Variants in ENDOU observed in about 807,000 individuals in gnomAD.
ENDOU encodes endonuclease, poly(U) specific.
ENDOU carries 49 observed loss-of-function variants against 54.2 expected under a neutral mutation model. The ratio of observed to expected loss-of-function variants is 0.90; its 90% CI spans 0.72 to 1.15. The LOEUF is 1.15. Ranked by LOEUF, ENDOU falls within the 50% of genes most tolerant of loss-of-function variation. The pLI, the probability that ENDOU is intolerant of heterozygous loss-of-function variation, is 0.00. For missense variants in ENDOU, 458 were observed against 511.4 expected (o/e 0.90, Z 1.01); for synonymous variants, 172 against 190.5 (o/e 0.90, Z 0.80).
intron 9 of ENDOU, 70 bp downstream of exon 9, chr12:47,711,563 T>C (rs1023017088): frequency 3.9e-6 from 6 of 1,541,752 alleles, no homozygotes; most frequent in Non-Finnish European, 5.3e-6. Context: ...CCAGGTCTCT[T>C]GACTCTGTGA....
At chr12:47,713,201 G>A in intron 7 of ENDOU, 74 bp downstream of exon 7, 1 of 1,034,168 alleles carries the variant, frequency 9.7e-7, no homozygotes, top group East Asian at 2.4e-5. Flanking sequence ...CCACACCCAG[G>A]GCTGCCCTGC....
At position 47,720,825 on chromosome 12, in the gene ENDOU, C is replaced by A. The variant is rs776957197; in HGVS notation, c.106G>T (p.Ala36Ser). The A allele has an allele frequency of 2.5e-5, 39 of 1,535,974 alleles. No homozygotes were observed. In the East Asian group the frequency reaches 6.4e-4, roughly 25 times the overall value. ...SRCNEKFNRD[A>S]ACQCDRRCLW... ...CACCGGCGGTCACACTGGCAGGCAG[C>A]GTCCCGGTTAAATTTCTCATTACAT... The change falls in exon 2 of 10, where the codon GCT (alanine) becomes TCT (serine). Residue 36 changes from alanine (A) to serine (S), a missense_variant. Ala to Ser is a moderately conservative substitution (Grantham distance 99, BLOSUM62 1). Transcript: ENST00000422538.
rs756704931 is a variant in ENDOU at position 47,710,032 on chromosome 12, C to A, written c.*770G>T. The A allele has an allele frequency of 6.6e-6, 1 of 152,056 alleles. No homozygotes were observed. Among genetic ancestry groups the A allele is most frequent in the African/African-American group, 2.4e-5 (1 of 41,390 alleles). 9.4% of individuals were successfully genotyped at this position (152,056 alleles called of 1,614,324 possible). ...CAAAAAAAAATTGGGGATCAAAATACAAGTCTGTGGCTGCACTAAACATCC... is the reference window on the plus strand; with the variant it reads ...CAAAAAAAAATTGGGGATCAAAATAAAAGTCTGTGGCTGCACTAAACATCC... On this transcript the variant is annotated 3_prime_UTR_variant, in exon 10 of 10. Coordinates refer to ENST00000422538, the MANE Select transcript of ENDOU (RefSeq NM_001172439.2).
intron 8 of ENDOU, 142 bp from the exon 9 acceptor site, chr12:47,711,917 T>A: frequency 1.1e-6 from 1 of 943,160 alleles, no homozygotes; most frequent in Non-Finnish European, 1.6e-6. Flanking sequence ...CTGGATTCTT[T>A]AAATAGAAGA....
intron 1 of ENDOU, among the ~76,000 whole-genome samples, chr12:47,721,660 T>C (rs1039396102): frequency 6.6e-6 from 1 of 152,218 alleles, no homozygotes; most frequent in African/African-American, 2.4e-5. Flanking sequence ...CATTCTATTA[T>C]GTAACCACAG....
At chr12:47,717,991 A>G in intron 3 of ENDOU, 138 bp downstream of exon 3, 1 of 786,546 alleles carries the variant, frequency 1.3e-6, no homozygotes. Context: ...CTTCCTGCCC[A>G]GGTTCCCAGA....
Position 47,718,183 on chromosome 12 carries a change from C to T in ENDOU, c.190G>A (p.Glu64Lys). 6.3e-7 allele frequency: 1 copy of T among 1,581,288 alleles called. No homozygotes were observed. Among genetic ancestry groups the T allele is most frequent in the East Asian group, 2.3e-5 (1 of 43,904 alleles). ...YEHLCTEDHK[E>K]SEPLPQLEEE... ...TCCAGCTGTGGCAATGGCTCTGACT[C>T]TTTGTGGTCCTCTGCAGGTAGATAG... Residue 64 changes from glutamate to lysine, a missense_variant, in exon 3 of 10, where the codon GAG (glutamate) becomes AAG (lysine). Glu to Lys is a moderately conservative substitution (Grantham distance 56). Transcript: ENST00000422538.
rs1233409650 is a variant in ENDOU at position 47,718,192 on chromosome 12, C to T, written c.181G>A (p.Asp61Asn). 6.3e-7 allele frequency: 1 copy of T among 1,578,348 alleles called. No individual in the cohort carries two copies. The highest frequency in any genetic ancestry group is 1.2e-5 in the South Asian group (1 of 86,258). The change falls in exon 3 of 10, where the codon GAC becomes AAC. Residue 61 changes from aspartate (D) to asparagine (N), a missense_variant and splice_region_variant. Coordinates refer to ENST00000422538, the MANE Select transcript of ENDOU (RefSeq NM_001172439.2). The part of the protein sequence containing the change: ...CEDYEHLCTE[D>N]HKESEPLPQL... ...GGCAATGGCTCTGACTCTTTGTGGT[C>T]CTCTGCAGGTAGATAGAAAAATAAA...
intron 1 of ENDOU, 85 bp from the exon 2 acceptor site, chr12:47,720,960 G>A: frequency 7.5e-7 from 1 of 1,332,402 alleles, no homozygotes; most frequent in African/African-American, 1.4e-5. Context: ...TCACAGACCA[G>A]GGCAGGAGTG....
At position 47,723,134 on chromosome 12, in the gene ENDOU, G is replaced by A. The variant is rs146853887; in HGVS notation, c.55+2225C>T. On this transcript the variant is annotated intron_variant, in intron 1 of 9. Transcript: ENST00000422538. ...GCACCAGTTGAGAAGGGTTGCAAGC[G>A]AGCAGTCAGCTGGACGTGCAGGAGA... 3.1e-4 allele frequency among the ~76,000 whole-genome samples: 47 copies of A among 152,314 alleles called. 1 individual carries two copies. In the East Asian group the frequency reaches 8.1e-3, roughly 26 times the overall value.
intron 8 of ENDOU, among the ~76,000 whole-genome samples, chr12:47,711,977 G>C (rs1322128728): frequency 6.6e-6 from 1 of 152,144 alleles, no homozygotes; most frequent in Non-Finnish European, 1.5e-5. Flanking sequence ...CCTCTGCCTG[G>C]AGCTGCCAGT....
intron 5 of ENDOU, 122 bp downstream of exon 5, chr12:47,716,768 A>G (rs1233062): frequency 1.0e-6 from 1 of 987,664 alleles, no homozygotes; most frequent in African/African-American, 1.6e-5. Flanking sequence ...TCTCTGGAGA[A>G]CTATTTTTTT....
intron 3 of ENDOU, 178 bp from the exon 4 acceptor site, chr12:47,717,833 G>C: frequency 1.5e-6 from 1 of 650,700 alleles, no homozygotes. Flanking sequence ...CCTTTCTGAT[G>C]CCGAACTTTA....
At position 47,711,758 on chromosome 12, in the gene ENDOU, A is replaced by G; in HGVS notation, c.990T>C (p.Asp330=). ...IYDGPWDSYP[D]VLAMQFNWDG... ...CCCAGTTGAACTGCATTGCCAGCAC[A>G]TCGGGGTAAGAATCCCACTGTGGAG... Residue 330 remains aspartate, a synonymous_variant, in exon 9 of 10, where the codon GAT becomes GAC. Transcript: ENST00000422538. The G allele has an allele frequency of 3.1e-6, 5 of 1,614,194 alleles. No homozygotes were observed. The highest frequency in any genetic ancestry group is 4.2e-6 in the Non-Finnish European group (5 of 1,180,034).
At chr12:47,723,076 C>A (rs1290296002) in intron 1 of ENDOU, among the ~76,000 whole-genome samples, 2 of 152,186 alleles carry the variant, frequency 1.3e-5, no homozygotes, top group Non-Finnish European at 2.9e-5. Context: ...TCAGCAGAGT[C>A]CAGGGAAAGA....
intron 6 of ENDOU, among the ~76,000 whole-genome samples, chr12:47,715,885 G>A (rs73104188): frequency 0.057 from 8,742 of 152,192 alleles, 311 homozygotes; most frequent in Middle Eastern, 0.092. Flanking sequence ...ACTTTATTGC[G>A]GGAGGAGGGA....
chr12:47,721,840 G>A (rs927017896), intron 1 of ENDOU, among the ~76,000 whole-genome samples: 31 of 152,276 alleles, frequency 2.0e-4, no homozygotes, highest in African/African-American at 6.5e-4. Context: ...TGGATTTCAC[G>A]AACGCTGGGT....
In ENDOU at chr12:47,720,940, G is replaced by A. The variant is rs184049647; in HGVS notation, c.56-65C>T. 40 of 1,503,268 alleles carry A rather than the reference G, an allele frequency of 2.7e-5. 1 individual carries two copies. In the African/African-American group the frequency reaches 5.4e-4, roughly 20 times the overall value. 93.1% of individuals were successfully genotyped at this position (1,503,268 alleles called of 1,614,324 possible). Reference sequence around the variant, plus strand: ...CCCTGTTCTCCCCAGGGTGCCTCCTGCAGGAGGGTTCACAGACCAGGGCAG... The same window carrying A: ...CCCTGTTCTCCCCAGGGTGCCTCCTACAGGAGGGTTCACAGACCAGGGCAG... On this transcript the variant is annotated intron_variant, in intron 1 of 9. Transcript: ENST00000422538.
intron 7 of ENDOU, among the ~76,000 whole-genome samples, 182 bp from the exon 8 acceptor site, chr12:47,712,804 C>A (rs1265750859): frequency 6.6e-6 from 1 of 152,102 alleles, no homozygotes; most frequent in Non-Finnish European, 1.5e-5. Context: ...GGAAGGCCCC[C>A]CTTCTGGCTC....
Sources: gnomAD v4.1 joint callset for allele counts (sites outside exome capture counted in the v4.1 genomes callset) on GRCh38, gnomAD v4.1.1 for gene constraint, MANE v1.5 for transcripts, NCBI Gene and HGNC (gene_info 2026-07-23, HGNC 2026-07-21) for gene names.